C11orf65: variants seen among roughly 807,000 people sequenced by gnomAD.
C11orf65 encodes the protein chromosome 11 open reading frame 65.
In C11orf65, 38 loss-of-function variants were observed where a neutral mutation model predicts 35.3. That is an observed-to-expected ratio of 1.08 (90% CI 0.83 to 1.41). C11orf65 has a LOEUF of 1.41. Among genes scored for constraint, C11orf65 ranks in the 40% most tolerant of loss-of-function variants. The probability of loss-of-function intolerance (pLI) is 0.00; values close to 1 mark genes in which losing one functional copy is unlikely to be tolerated. For synonymous variants in C11orf65, 105 were observed against 114.4 expected, an observed-to-expected ratio of 0.92 and a Z score of 0.53; for missense variants, 370 against 367.1, an observed-to-expected ratio of 1.01 and a Z score of -0.06.
chr11:108,433,253 ATC>A (rs982101645), intron 2 of C11orf65, among the ~76,000 whole-genome samples: 1 of 147,172 alleles, frequency 6.8e-6, no homozygotes, highest in African/African-American at 2.5e-5. Context: ...ATATATATAT[ATC>A]TCTCTCTATA....
At chr11:108,310,928 A>G (rs1030963022) in intron 6 of C11orf65, among the ~76,000 whole-genome samples, 5 of 152,202 alleles carry the variant, frequency 3.3e-5, no homozygotes, top group African/African-American at 1.2e-4. Flanking sequence ...AGAGTAAAAA[A>G]TAAAGTAAAA....
In C11orf65 at chr11:108,434,720, C is replaced by T. The variant is rs1591547082; in HGVS notation, c.82-2882G>A. ...AACACTTCCATTATGGAAAGGGCAA[C>T]ACTTCTTTTCTCACTGGAATTGACA... On this transcript the variant is annotated intron_variant, in intron 2 of 8. Coordinates refer to ENST00000393084, the MANE Select transcript of C11orf65 (RefSeq NM_152587.5). 2.0e-5 allele frequency among the ~76,000 whole-genome samples: 3 copies of T among 152,278 alleles called. No homozygotes were observed. In the East Asian group the frequency reaches 5.8e-4, roughly 29 times the overall value.
chr11:108,381,924 G>A (rs1045928134), downstream of C11orf65, among the ~76,000 whole-genome samples: 3 of 127,010 alleles, frequency 2.4e-5, no homozygotes, highest in Non-Finnish European at 5.2e-5. Context: ...AGGCATTGCG[G>A]CTTCCTCCTT....
chr11:108,337,729 T>C (rs2087007450), intron 2 of C11orf65, among the ~76,000 whole-genome samples: 1 of 152,248 alleles, frequency 6.6e-6, no homozygotes, highest in African/African-American at 2.4e-5. Context: ...TAAGAAGTTT[T>C]TAGAGACTAG....
chr11:108,311,601 G>A (rs1411010031), intron 6 of C11orf65, among the ~76,000 whole-genome samples: 2 of 152,122 alleles, frequency 1.3e-5, no homozygotes, highest in Non-Finnish European at 2.9e-5. Flanking sequence ...AGGAGGCTGA[G>A]GGAGGAGGAT....
chr11:108,383,019 C>A lies in C11orf65; in HGVS notation c.*2G>T, dbSNP rs2091897417. 1 of 1,610,856 alleles carries A rather than the reference C, an allele frequency of 6.2e-7. No individual in the cohort carries two copies. Among genetic ancestry groups the A allele is most frequent in the Non-Finnish European group, 8.5e-7 (1 of 1,179,178 alleles). ...TATAACTCAGAATAGAAATAAAGTACTTTATAGTCCATAAGTAGAATCAGG... is the reference window on the plus strand; with the variant it reads ...TATAACTCAGAATAGAAATAAAGTAATTTATAGTCCATAAGTAGAATCAGG... On this transcript the variant is annotated 3_prime_UTR_variant, in exon 9 of 9. Transcript: ENST00000393084.
rs180761971 is a variant in C11orf65 at position 108,422,665 on chromosome 11, C to T, written c.174+9081G>A. ...TTGGGAGGCCAAGGTGGGCGGATCA[C>T]GAGGTCAGGAGATGGAGACCATCCT... is the stretch of plus-strand genomic sequence containing the variant. On this transcript the variant is annotated intron_variant, in intron 3 of 8. Coordinates refer to ENST00000393084, the MANE Select transcript of C11orf65 (RefSeq NM_152587.5). Among the ~76,000 whole-genome samples the T allele has an allele frequency of 2.5e-3, 374 of 152,150 alleles. 2 individuals carry two copies. Among genetic ancestry groups the T allele is most frequent in the African/African-American group, 8.7e-3 (361 of 41,526 alleles).
upstream of C11orf65, chr11:108,467,613 A>T (rs4753840): frequency 1.3e-5 from 2 of 151,970 alleles, no homozygotes; most frequent in Non-Finnish European, 2.9e-5. Context: ...GCGCTCTGAC[A>T]AAGTGCAGGG....
At chr11:108,458,613 T>C (rs2093435065) in intron 2 of C11orf65, among the ~76,000 whole-genome samples, 1 of 152,162 alleles carries the variant, frequency 6.6e-6, no homozygotes. Flanking sequence ...TAAATATCAC[T>C]ATTGTCCAAC....
At chr11:108,406,022 A>G (rs2092533930) in intron 5 of C11orf65, among the ~76,000 whole-genome samples, 2 of 152,042 alleles carry the variant, frequency 1.3e-5, no homozygotes, top group Non-Finnish European at 2.9e-5. Context: ...CTTCCAACTC[A>G]TTCCCCCTGC....
At chr11:108,433,700 T>G (rs979119155) in intron 2 of C11orf65, among the ~76,000 whole-genome samples, 1 of 152,154 alleles carries the variant, frequency 6.6e-6, no homozygotes, top group Non-Finnish European at 1.5e-5. Context: ...TGCATTCCAT[T>G]GGTCAAACTC....
At chr11:108,317,652 T>TATATATATATATATATATACACACACAC (rs1399501257) in intron 6 of C11orf65, 1 of 117,468 alleles carries the variant, frequency 8.5e-6, no homozygotes, top group African/African-American at 5.1e-5. Context: ...TATATATATA[T>TATATATATATATATATATACACACACAC]ACACACACAC....
At chr11:108,335,643 G>GAAATTAGAAA (rs2086758318) in intron 2 of C11orf65, among the ~76,000 whole-genome samples, 1 of 152,146 alleles carries the variant, frequency 6.6e-6, no homozygotes, top group Non-Finnish European at 1.5e-5. Flanking sequence ...GAAGTAGCGA[G>GAAATTAGAAA]GGGAAACTTT....
intron 6 of C11orf65, among the ~76,000 whole-genome samples, chr11:108,318,314 A>G (rs1356843210): frequency 6.6e-6 from 1 of 152,026 alleles, no homozygotes; most frequent in African/African-American, 2.4e-5. Context: ...GTGAGCTGAG[A>G]TAGCACCACT....
chr11:108,327,799 T>TATTCATGCTAA, downstream of C11orf65: 8 of 1,380,090 alleles, frequency 5.8e-6, no homozygotes, highest in Non-Finnish European at 8.2e-6. Flanking sequence ...TTACTTAGCA[T>TATTCATGCTAA]GAATATGCTT....
downstream of C11orf65, among the ~76,000 whole-genome samples, chr11:108,380,819 A>C (rs572853691): frequency 2.0e-5 from 3 of 152,298 alleles, no homozygotes; most frequent in South Asian, 6.2e-4. Flanking sequence ...AGGGATTACT[A>C]CTTGGTCCAG....
intron 6 of C11orf65, chr11:108,321,197 G>C (rs2136235934): frequency 1.4e-6 from 2 of 1,453,850 alleles, no homozygotes; most frequent in Non-Finnish European, 1.9e-6. Context: ...TATTAGATCA[G>C]TAGCAAAGCC....
At chr11:108,312,524 A>ACC in intron 6 of C11orf65, 1 of 1,477,340 alleles carries the variant, frequency 6.8e-7, no homozygotes, top group Non-Finnish European at 9.5e-7. Context: ...TCTATTATTT[A>ACC]TGACAGTATT....
chr11:108,332,898 GAA>G, intron 3 of C11orf65: 1 of 1,611,930 alleles, frequency 6.2e-7, no homozygotes, highest in Non-Finnish European at 8.5e-7. Flanking sequence ...AAGACTCAGA[GAA>G]GTATGTTTTT....
Sources: gnomAD v4.1 joint callset for allele counts (sites outside exome capture counted in the v4.1 genomes callset) on GRCh38, gnomAD v4.1.1 for gene constraint, MANE v1.5 for transcripts, NCBI Gene and HGNC (gene_info 2026-07-23, HGNC 2026-07-21) for gene names.